TMF1: variants seen among roughly 807,000 people sequenced by gnomAD.
TMF1 encodes TATA element modulatory factor.
Under a neutral mutation model 126.5 loss-of-function variants are expected in TMF1, and 71 were observed. That is an observed-to-expected ratio of 0.56 (90% CI 0.46 to 0.68). The LOEUF is 0.68. Among genes scored for constraint, TMF1 ranks in the 30% least tolerant of loss-of-function variants. The pLI is 0.00. For synonymous variants in TMF1, 461 were observed against 430.5 expected (o/e 1.07, Z -0.88); for missense variants, 1,259 against 1,253.2 (o/e 1.00, Z -0.07).
chr3:69,040,550 T>C (rs568631256), intron 5 of TMF1: 1 of 152,376 alleles, frequency 6.6e-6, no homozygotes, highest in South Asian at 2.1e-4. Context: ...TGTTAACACC[T>C]GATGAATCTA....
At chr3:69,042,360 T>C (rs1301800630) in intron 5 of TMF1, 6 of 455,802 alleles carry the variant, frequency 1.3e-5, no homozygotes, top group Admixed American at 2.4e-5. Context: ...TTTAAATCTT[T>C]TCAGAGACAA....
intron 9 of TMF1, chr3:69,033,933 C>G: frequency 3.0e-6 from 1 of 335,090 alleles, no homozygotes; most frequent in East Asian, 5.9e-5. Flanking sequence ...TAGGCTCAAG[C>G]GATCCTCCCA....
intron 1 of TMF1, chr3:69,049,181 G>A (rs1035325799): frequency 6.6e-6 from 1 of 152,278 alleles, no homozygotes; most frequent in African/African-American, 2.4e-5. Flanking sequence ...GACAAGCCTG[G>A]GCAACATAGT....
Position 69,025,623 on chromosome 3 carries a change from T to C in TMF1, c.2949A>G (p.Ser983=). ...GAGACTGTAGGTTTTCAATTATGCT[T>C]GATCCTGCTCCCATCCTTACAGCAT... ...LYDAVRMGAG[S]SIIENLQSQL... The change falls in exon 15 of 17, where the codon TCA becomes TCG. Residue 983 remains serine, a synonymous_variant. Coordinates refer to ENST00000398559, the MANE Select transcript of TMF1 (RefSeq NM_007114.3). 1 of 1,614,160 alleles carries C rather than the reference T, an allele frequency of 6.2e-7. No individual in the cohort carries two copies. Among genetic ancestry groups the C allele is most frequent in the Non-Finnish European group, 8.5e-7 (1 of 1,179,994 alleles).
Position 69,043,866 on chromosome 3 carries a change from T to C in TMF1, c.1462A>G (p.Arg488Gly), listed in dbSNP as rs1469987599. The C allele has an allele frequency of 1.9e-6, 3 of 1,601,028 alleles. No homozygotes were observed. Among genetic ancestry groups the C allele is most frequent in the South Asian group, 1.1e-5 (1 of 88,360 alleles). ...ATGCTACTGCTTTCTTCTTTCACTC[T>C]GAACATTTCACTAAATTTAAAATAA... ...AFDNLKDEMF[R>G]VKEESSSISS... The change falls in exon 4 of 17, where the codon AGA becomes GGA. Residue 488 changes from arginine (R) to glycine (G), a missense_variant. Transcript: ENST00000398559.
chr3:69,043,545 G>T (rs2091879073), intron 4 of TMF1, among the ~76,000 whole-genome samples: 1 of 152,154 alleles, frequency 6.6e-6, no homozygotes, highest in Non-Finnish European at 1.5e-5. Context: ...GGGCTCAAGT[G>T]ATCCGCCCAC....
Position 69,048,344 on chromosome 3 carries a change from T to C in TMF1, c.361A>G (p.Lys121Glu), listed in dbSNP as rs2091907893. The C allele has an allele frequency of 6.2e-7, 1 of 1,614,094 alleles. No individual in the cohort carries two copies. Among genetic ancestry groups the C allele is most frequent in the Non-Finnish European group, 8.5e-7 (1 of 1,180,046 alleles). Residue 121 changes from lysine to glutamate, a missense_variant, in exon 2 of 17, where the codon AAA becomes GAA. Physicochemically the swap from Lys to Glu is moderately conservative, Grantham distance 56. Transcript: ENST00000398559. ...KSPVVSKPPAKSQRPEEEVKS... is the reference protein window; with the variant it reads ...KSPVVSKPPAESQRPEEEVKS... ...ACTTCTTCTTCTGGTCGTTGTGATTTTGCTGGAGGTTTTGATACCACTGGA... is the reference window on the plus strand; with the variant it reads ...ACTTCTTCTTCTGGTCGTTGTGATTCTGCTGGAGGTTTTGATACCACTGGA...
intron 10 of TMF1, among the ~76,000 whole-genome samples, chr3:69,033,250 A>G (rs1413832243): frequency 4.2e-5 from 6 of 142,648 alleles, no homozygotes; most frequent in African/African-American, 1.6e-4. Context: ...CTCCAGCCTC[A>G]GTGAAAGAGT....
At chr3:69,034,884 CA>C in intron 9 of TMF1, 138 bp downstream of exon 9, 1 of 735,312 alleles carries the variant, frequency 1.4e-6, no homozygotes, top group Non-Finnish European at 2.3e-6. Flanking sequence ...TTTATTCACA[CA>C]AGCCACAAAA....
At chr3:69,032,602 G>C (rs2091808893) in intron 10 of TMF1, among the ~76,000 whole-genome samples, 1 of 136,330 alleles carries the variant, frequency 7.3e-6, no homozygotes, top group Non-Finnish European at 1.5e-5. Flanking sequence ...TAAAGAAGCA[G>C]AATATGGAAT....
At chr3:69,042,219 G>GT in intron 5 of TMF1, 1 of 391,506 alleles carries the variant, frequency 2.6e-6, no homozygotes, top group Non-Finnish European at 5.0e-6. Flanking sequence ...TGTATTTTTA[G>GT]TAGAGACGGG....
rs2091747005 is a variant in TMF1, at chr3:69,022,856, C to T, written c.*321G>A. 1 of 185,630 alleles carries T rather than the reference C, an allele frequency of 5.4e-6. No individual in the cohort carries two copies. The highest frequency in any genetic ancestry group is 2.4e-5 in the African/African-American group (1 of 42,010). 11.5% of individuals were successfully genotyped at this position (185,630 alleles called of 1,614,324 possible). ...TACAACTAGTTGTATATCTACAATA[C>T]ATATATGAACACCATTCTTCTTCTC... On this transcript the variant is annotated 3_prime_UTR_variant, in exon 17 of 17. Coordinates refer to ENST00000398559, the MANE Select transcript of TMF1 (RefSeq NM_007114.3).
Position 69,019,999 on chromosome 3 carries a change from C to T in TMF1, c.*3178G>A, listed in dbSNP as rs1259038348. ...CCTAGAATATGGAAAATTGGATTCA[C>T]TTTAATGAAAATGAAAAATTTTGAT... On this transcript the variant is annotated 3_prime_UTR_variant, in exon 17 of 17. Transcript: ENST00000398559. 3 of 152,110 alleles carry T rather than the reference C, an allele frequency of 2.0e-5. No individual in the cohort carries two copies. Among genetic ancestry groups the T allele is most frequent in the East Asian group, 3.9e-4 (2 of 5,182 alleles). The allele number at this position is 152,110 out of a possible 1,614,324, so 9.4% of individuals were successfully genotyped here. A position where few individuals can be genotyped will look rare whatever the true frequency, so the allele number is the denominator to read the frequency against.
Position 69,039,012 on chromosome 3 carries a change from A to G in TMF1, c.1828-3T>C, listed in dbSNP as rs1429200304. 1.9e-6 allele frequency: 3 copies of G among 1,541,822 alleles called. No individual in the cohort carries two copies. The highest frequency in any genetic ancestry group is 1.4e-5 in the African/African-American group (1 of 71,938). On this transcript the variant is annotated splice_polypyrimidine_tract_variant and splice_region_variant and intron_variant, in intron 6 of 16. Transcript: ENST00000398559. The stretch of plus-strand genomic sequence containing the variant: ...ACCTCTTCTTTGCCATCAAGGACCT[A>G]TATGTTATAAAAACAGACAAAAGTA...
intron 10 of TMF1, among the ~76,000 whole-genome samples, chr3:69,032,689 C>A (rs1280301868): frequency 6.6e-6 from 1 of 150,616 alleles, no homozygotes; most frequent in African/African-American, 2.4e-5. Flanking sequence ...CAGCTCACTG[C>A]AGCCTCTGCT....
At chr3:69,041,134 TAACTCTTTTAA>T (rs1241201598) in intron 5 of TMF1, among the ~76,000 whole-genome samples, 1 of 152,188 alleles carries the variant, frequency 6.6e-6, no homozygotes, top group East Asian at 1.9e-4. Flanking sequence ...ATATTTCAAA[TAACTCTTTTAA>T]AATAAGAAAA....
intron 1 of TMF1, among the ~76,000 whole-genome samples, chr3:69,051,166 AGTT>A (rs1205681144): frequency 6.6e-6 from 1 of 152,018 alleles, no homozygotes; most frequent in East Asian, 1.9e-4. Flanking sequence ...TCTCTCTGGG[AGTT>A]GTTCTGAAGA....
At chr3:69,033,093 C>A (rs771806553) in intron 10 of TMF1, among the ~76,000 whole-genome samples, 1 of 151,582 alleles carries the variant, frequency 6.6e-6, no homozygotes, top group Non-Finnish European at 1.5e-5. Context: ...AAAAAAAAAT[C>A]GAGTGCAGCA....
At position 69,024,103 on chromosome 3, in the gene TMF1, TTCA is replaced by T; in HGVS notation, c.3087_3089del (p.Asp1029del). 1 of 1,610,748 alleles carries T rather than the reference TTCA, an allele frequency of 6.2e-7. No individual in the cohort carries two copies. ...GTATCTCCTTCACCTTCTCTTCAAG[TTCA>T]TCATTTTGATTTGTTAATTTAACTA... is the stretch of plus-strand genomic sequence containing the variant. On this transcript the variant is annotated inframe_deletion, in exon 16 of 17. Transcript: ENST00000398559.
Sources: gnomAD v4.1 joint callset for allele counts (sites outside exome capture counted in the v4.1 genomes callset) on GRCh38, gnomAD v4.1.1 for gene constraint, MANE v1.5 for transcripts, NCBI Gene and HGNC (gene_info 2026-07-23, HGNC 2026-07-21) for gene names.